Variants in CEBPZ observed in about 807,000 individuals in gnomAD.
CEBPZ encodes the protein CCAAT enhancer binding protein zeta.
CEBPZ carries 78 observed loss-of-function variants against 104.5 expected under a neutral mutation model. The ratio of observed to expected loss-of-function variants is 0.75; its 90% CI spans 0.62 to 0.90. CEBPZ has a LOEUF of 0.90. Ranked by LOEUF, CEBPZ falls within the 40% of genes least tolerant of loss-of-function variation. The probability of loss-of-function intolerance (pLI) is 0.00; values close to 1 mark genes in which losing one functional copy is unlikely to be tolerated. For missense variants in CEBPZ, 1,439 were observed against 1,233.5 expected (o/e 1.17, Z -2.50); for synonymous variants, 470 against 427.0 (o/e 1.10, Z -1.24).
chr2:37,228,953 C>T lies in CEBPZ; in HGVS notation c.240G>A (p.Gln80=), dbSNP rs757462133. Residue 80 remains glutamine (Q), a synonymous_variant, in exon 2 of 16, where the codon CAG becomes CAA. Coordinates refer to ENST00000234170, the MANE Select transcript of CEBPZ (RefSeq NM_005760.3). ...GGKKGAIDDL[Q]QGELEAFIQN... Reference sequence around the variant, plus strand: ...GAATAAATGCTTCCAATTCACCTTGCTGAAGGTCATCGATTGCTCCTTTTT... The same window carrying T: ...GAATAAATGCTTCCAATTCACCTTGTTGAAGGTCATCGATTGCTCCTTTTT... 6.2e-7 allele frequency: 1 copy of T among 1,609,036 alleles called. No individual in the cohort carries two copies. Among genetic ancestry groups the T allele is most frequent in the South Asian group, 1.1e-5 (1 of 89,192 alleles).
chr2:37,223,501 AT>A, intron 2 of CEBPZ, 100 bp from the exon 3 acceptor site: 1 of 987,632 alleles, frequency 1.0e-6, no homozygotes, highest in South Asian at 1.6e-5. Flanking sequence ...TTAGTTAGGG[AT>A]AACTTTGCTG....
chr2:37,205,863 G>T (rs1257776201), intron 13 of CEBPZ, among the ~76,000 whole-genome samples: 1 of 152,032 alleles, frequency 6.6e-6, no homozygotes, highest in Non-Finnish European at 1.5e-5. Flanking sequence ...TTTTAAAAAT[G>T]TTAAAAAACA....
intron 1 of CEBPZ, among the ~76,000 whole-genome samples, chr2:37,230,335 C>T (rs931677574): frequency 1.3e-5 from 2 of 152,000 alleles, no homozygotes; most frequent in African/African-American, 4.8e-5. Context: ...ATATAGTATC[C>T]CTGAAAGATA....
At chr2:37,212,835 TAA>T (rs761764387) in intron 10 of CEBPZ, among the ~76,000 whole-genome samples, 4 of 62,010 alleles carry the variant, frequency 6.5e-5, no homozygotes, top group Admixed American at 1.5e-4. Flanking sequence ...CTATCTCTAT[TAA>T]AAAAAAAAAA....
rs2148352786 is a variant in CEBPZ, at chr2:37,214,879, A to G, written c.2447+7T>C. ...TTCCCCAAATGAAACTATATTATGT[A>G]TAGTACCTGTGGAAAAACACTTCAT... On this transcript the variant is annotated splice_region_variant and intron_variant, in intron 9 of 15. Transcript: ENST00000234170. 6.3e-7 allele frequency: 1 copy of G among 1,587,034 alleles called. No individual in the cohort carries two copies. Among genetic ancestry groups the G allele is most frequent in the Non-Finnish European group, 8.7e-7 (1 of 1,155,956 alleles).
chr2:37,219,073 C>T (rs754946444), intron 5 of CEBPZ, among the ~76,000 whole-genome samples: 24 of 152,140 alleles, frequency 1.6e-4, no homozygotes, highest in Admixed American at 4.6e-4. Flanking sequence ...AATCTTTGCT[C>T]GAAAGCTTTA....
chr2:37,204,155 G>C (rs1035526595), intron 13 of CEBPZ: 2 of 151,980 alleles, frequency 1.3e-5, no homozygotes, highest in Non-Finnish European at 2.9e-5. Flanking sequence ...CTGTAGTGAT[G>C]TATCTGTGAC....
intron 5 of CEBPZ, among the ~76,000 whole-genome samples, chr2:37,217,396 A>T (rs1664636593): frequency 6.6e-6 from 1 of 151,918 alleles, no homozygotes; most frequent in African/African-American, 2.4e-5. Context: ...GTGAGACCCT[A>T]TTTCAACAAC....
intron 5 of CEBPZ, among the ~76,000 whole-genome samples, chr2:37,218,138 G>C (rs1664681292): frequency 6.6e-6 from 1 of 151,410 alleles, no homozygotes; most frequent in South Asian, 2.1e-4. Context: ...GTGGCGGTGT[G>C]CGCCTGTAGT....
chr2:37,226,702 G>A (rs947250600), intron 2 of CEBPZ, among the ~76,000 whole-genome samples: 3 of 152,000 alleles, frequency 2.0e-5, no homozygotes, highest in Admixed American at 6.6e-5. Flanking sequence ...TCTAAGATAC[G>A]AACCACTACT....
rs936746304 is a variant in CEBPZ, at chr2:37,228,759, G to C, written c.434C>G (p.Pro145Arg). Residue 145 changes from proline (P) to arginine (R), a missense_variant, in exon 2 of 16, where the codon CCA becomes CGA. Coordinates refer to ENST00000234170, the MANE Select transcript of CEBPZ (RefSeq NM_005760.3). ...GCCATTCTCATCAGAATGTGGTTCT[G>C]GCCTATTCTTATTTTTCACCTTATT... Reference protein sequence around the residue: ...SVNKVKNKNRPEPHSDENGST... With the variant: ...SVNKVKNKNRREPHSDENGST... The C allele has an allele frequency of 1.2e-6, 2 of 1,613,940 alleles. No individual in the cohort carries two copies. The highest frequency in any genetic ancestry group is 8.5e-7 in the Non-Finnish European group (1 of 1,179,984).
rs1572514274 is a variant in CEBPZ at position 37,231,206 on chromosome 2, G to T, written c.156+206C>A. ...CGCCTACATCCTAAGAATAGCCAGAGAATACAACGTTCAATTCGAAACTTT... is the reference window on the plus strand; with the variant it reads ...CGCCTACATCCTAAGAATAGCCAGATAATACAACGTTCAATTCGAAACTTT... On this transcript the variant is annotated intron_variant, in intron 1 of 15. Transcript: ENST00000234170. The T allele has an allele frequency of 9.6e-6, 7 of 729,208 alleles. No individual in the cohort carries two copies. The East Asian group carries it at 1.4e-4, about 14-fold the overall frequency. 45.2% of individuals were successfully genotyped at this position (729,208 alleles called of 1,614,324 possible).
chr2:37,228,872 T>G lies in CEBPZ; in HGVS notation c.321A>C (p.Pro107=), dbSNP rs1289470911. ...TKASLVEEDE[P]AEKENSSKKE... ...TTTTGCTGGAATTTTCTTTTTCAGCTGGTTCATCTTCTTCAACTAAGGAAG... is the reference window on the plus strand; with the variant it reads ...TTTTGCTGGAATTTTCTTTTTCAGCGGGTTCATCTTCTTCAACTAAGGAAG... Residue 107 remains proline, a synonymous_variant, in exon 2 of 16, where the codon CCA becomes CCC. Transcript: ENST00000234170. 4 of 1,599,554 alleles carry G rather than the reference T, an allele frequency of 2.5e-6. No homozygotes were observed. The African/African-American group carries it at 5.4e-5, about 22-fold the overall frequency.
chr2:37,215,191 GT>G, intron 8 of CEBPZ: 1 of 201,368 alleles, frequency 5.0e-6, no homozygotes, highest in Admixed American at 1.2e-4. Context: ...ATAGCTGTCA[GT>G]GCCGTTACAG....
intron 11 of CEBPZ, 47 bp from the exon 12 acceptor site, chr2:37,212,086 A>G: frequency 6.6e-7 from 1 of 1,513,792 alleles, no homozygotes. Flanking sequence ...AGTATTTTCT[A>G]AAGTAGTGTT....
intron 11 of CEBPZ, 44 bp downstream of exon 11, chr2:37,212,291 G>C: frequency 6.5e-7 from 1 of 1,546,636 alleles, no homozygotes; most frequent in Non-Finnish European, 8.9e-7. Flanking sequence ...CAACAATTTG[G>C]GAAATGCTAG....
At chr2:37,210,899 A>C (rs1677700684) in intron 13 of CEBPZ, 100 bp downstream of exon 13, 5 of 452,080 alleles carry the variant, frequency 1.1e-5, no homozygotes, top group Admixed American at 4.4e-5. Flanking sequence ...CCCACCCCTG[A>C]ATTTTATTAA....
Position 37,201,664 on chromosome 2 carries a change from G to C in CEBPZ, c.*100C>G, listed in dbSNP as rs1227738778. 1 of 780,690 alleles carries C rather than the reference G, an allele frequency of 1.3e-6. No individual in the cohort carries two copies. The highest frequency in any genetic ancestry group is 2.2e-6 in the Non-Finnish European group (1 of 444,528). The allele number at this position is 780,690 out of a possible 1,614,324, so 48.4% of individuals were successfully genotyped here. On this transcript the variant is annotated 3_prime_UTR_variant, in exon 16 of 16. Coordinates refer to ENST00000234170, the MANE Select transcript of CEBPZ (RefSeq NM_005760.3). ...TAGTTTATTACAAATCCACTGAGAA[G>C]TCTGGAATGTATGGAATCAGAGAGC...
At position 37,228,067 on chromosome 2, in the gene CEBPZ, T is replaced by C; in HGVS notation, c.1126A>G (p.Lys376Glu). The C allele has an allele frequency of 6.2e-7, 1 of 1,614,228 alleles. No individual in the cohort carries two copies. Among genetic ancestry groups the C allele is most frequent in the Non-Finnish European group, 8.5e-7 (1 of 1,180,028 alleles). The change falls in exon 2 of 16, where the codon AAG (lysine) becomes GAG (glutamate). Residue 376 changes from lysine (K) to glutamate (E), a missense_variant. Transcript: ENST00000234170. The stretch of plus-strand genomic sequence containing the variant: ...AGAAGAGCCTTTTCTTCCTCAGGCT[T>C]GTTACAAAGCAGCTCATGAGCCACG... The part of the protein sequence containing the change: ...LTVAHELLCN[K>E]PEEEKALLVQ...
Sources: gnomAD v4.1 joint callset for allele counts (sites outside exome capture counted in the v4.1 genomes callset) on GRCh38, gnomAD v4.1.1 for gene constraint, MANE v1.5 for transcripts, NCBI Gene and HGNC (gene_info 2026-07-23, HGNC 2026-07-21) for gene names.